The following DOK7 variants were observed in gnomAD, a reference collection of about 807,000 sequenced individuals.
The protein encoded by DOK7 is protein Dok-7.
In DOK7, 32 loss-of-function variants were observed where a neutral mutation model predicts 30.7. The ratio of observed to expected loss-of-function variants is 1.04; its 90% confidence interval spans 0.79 to 1.40. The LOEUF is 1.40. DOK7 is among the 40% of genes most tolerant of loss of function. The pLI, the probability that DOK7 is intolerant of heterozygous loss-of-function variation, is 0.00. For synonymous variants in DOK7, 447 were observed against 324.1 expected (o/e 1.38, Z -4.07); for missense variants, 1,007 against 699.2 (o/e 1.44, Z -4.97).
At chr4:3,470,515 C>T (rs919861724) in intron 2 of DOK7, among the ~76,000 whole-genome samples, 16 of 152,126 alleles carry the variant, frequency 1.1e-4, no homozygotes, top group African/African-American at 2.9e-4. Context: ...GTCTGAGGGT[C>T]GAGCGTGGGT....
At chr4:3,488,524 C>T (rs1319589753) in intron 5 of DOK7, among the ~76,000 whole-genome samples, 2 of 152,232 alleles carry the variant, frequency 1.3e-5, no homozygotes, top group Admixed American at 6.5e-5. Flanking sequence ...CTCCAGCCTC[C>T]GCCAGGCTGG....
chr4:3,463,454 G>GT lies in DOK7; in HGVS notation c.54+25_54+26insT, dbSNP rs767285554. 7 of 1,416,628 alleles carry GT rather than the reference G, an allele frequency of 4.9e-6. No homozygotes were observed. In the Admixed American group the frequency reaches 1.2e-4, roughly 24 times the overall value. The allele number at this position is 1,416,628 out of a possible 1,614,324, so 87.8% of individuals were successfully genotyped here. On this transcript the variant is annotated intron_variant, in intron 1 of 6. Transcript: ENST00000340083. The stretch of plus-strand genomic sequence containing the variant: ...GGTCGGGGCGCGTCGGGGGCGCGGG[G>GT]GGGGGGGGCGCGGGCGCGGGCGGCG...
chr4:3,478,855 C>T (rs1358859738), intron 4 of DOK7, among the ~76,000 whole-genome samples: 1 of 152,144 alleles, frequency 6.6e-6, no homozygotes, highest in East Asian at 1.9e-4. Context: ...GTCTTAGACT[C>T]GGCCAAGCGG....
At chr4:3,490,290 AT>A (rs1560226352) in intron 6 of DOK7, among the ~76,000 whole-genome samples, 4 of 59,682 alleles carry the variant, frequency 6.7e-5, no homozygotes, top group African/African-American at 1.9e-4. Flanking sequence ...TTGCTCATTC[AT>A]TTCTTCCTCC....
At chr4:3,495,258 G>A (rs1277388966), downstream of DOK7, among the ~76,000 whole-genome samples, 1 of 152,210 alleles carries the variant, frequency 6.6e-6, no homozygotes, top group Non-Finnish European at 1.5e-5. Flanking sequence ...AGGTGGCCGC[G>A]CCAGTCTTGT....
In DOK7 at chr4:3,491,532, TC is replaced by T. The variant is rs1560229792; in HGVS notation, c.773-1226del. Among the ~76,000 whole-genome samples the T allele has an allele frequency of 2.9e-4, 43 of 149,754 alleles. No individual in the cohort carries two copies. In the East Asian group the frequency reaches 4.9e-3, roughly 17 times the overall value. On this transcript the variant is annotated intron_variant, in intron 6 of 6. Coordinates refer to ENST00000340083, the MANE Select transcript of DOK7 (RefSeq NM_173660.5). ...CCTTCCTTCTGTCTGTTCATTCATTTCTTCCTTCTCCCACCTATTCATTCAT... is the reference window on the plus strand; with the variant it reads ...CCTTCCTTCTGTCTGTTCATTCATTTTTCCTTCTCCCACCTATTCATTCAT...
At position 3,490,091 on chromosome 4, in the gene DOK7, TTCATTCCTTTCTTCACCCCC is replaced by T. The variant is rs1202097740; in HGVS notation, c.772+296_772+315del. Among the ~76,000 whole-genome samples, 21 of 92,956 alleles carry T rather than the reference TTCATTCCTTTCTTCACCCCC, an allele frequency of 2.3e-4. No homozygotes were observed. In the South Asian group the frequency reaches 9.4e-3, roughly 41 times the overall value. 61.0% of individuals were successfully genotyped at this position (92,956 alleles called of 152,430 possible). On this transcript the variant is annotated intron_variant, in intron 6 of 6. Coordinates refer to ENST00000340083, the MANE Select transcript of DOK7 (RefSeq NM_173660.5). ...CCCCATTCCTTTCTTCACCCCCTCA[TTCATTCCTTTCTTCACCCCC>T]ATTCATTCCTTTTCTCCCTGCTCAT...
At chr4:3,496,549 C>A (rs1251397018), downstream of DOK7, among the ~76,000 whole-genome samples, 1 of 152,238 alleles carries the variant, frequency 6.6e-6, no homozygotes, top group Admixed American at 6.5e-5. Context: ...TCCCCAGATG[C>A]CGAGGCCTCC....
At chr4:3,491,710 T>C (rs1728474993) in intron 6 of DOK7, among the ~76,000 whole-genome samples, 1 of 152,262 alleles carries the variant, frequency 6.6e-6, no homozygotes, top group African/African-American at 2.4e-5. Context: ...TTTTACCTTC[T>C]GTGCCCAGAC....
intron 5 of DOK7, among the ~76,000 whole-genome samples, chr4:3,487,811 G>A (rs912903620): frequency 2.0e-5 from 3 of 152,194 alleles, no homozygotes; most frequent in African/African-American, 7.2e-5. Flanking sequence ...TCCCACCTGT[G>A]GGGCATTGGC....
intron 6 of DOK7, among the ~76,000 whole-genome samples, chr4:3,492,545 AGGACAGGAAC>A (rs1453358277): frequency 6.6e-6 from 1 of 152,116 alleles, no homozygotes; most frequent in African/African-American, 2.4e-5. Context: ...AGGTGGCAGA[AGGACAGGAAC>A]GGACAAAGAA....
intron 4 of DOK7, among the ~76,000 whole-genome samples, chr4:3,481,310 A>G (rs10937929): frequency 0.49 from 73,828 of 151,920 alleles, 20,360 homozygotes; most frequent in African/African-American, 0.75. Flanking sequence ...GAAGGTTCTG[A>G]TTGAGGTCCA....
chr4:3,489,720 C>T lies in DOK7; in HGVS notation c.696C>T (p.Ala232=), dbSNP rs888129911. The T allele has an allele frequency of 4.5e-6, 7 of 1,564,698 alleles. No individual in the cohort carries two copies. The highest frequency in any genetic ancestry group is 2.7e-5 in the African/African-American group (2 of 73,666). Residue 232 remains alanine, a synonymous_variant, in exon 6 of 7, where the codon GCC becomes GCT. Transcript: ENST00000340083. ...CCTCGACTGTGGAGGAGCGTGTGGC[C>T]CAGGAAGCCCTGGAAACCCTACAGC... The part of the protein sequence containing the change: ...PGPSTVEERV[A]QEALETLQLE...
Position 3,494,478 on chromosome 4 carries a change from C to CTTACCACCTTGTCCTCTTTT in DOK7, c.*977_*978insTTACCACCTTGTCCTCTTTT, listed in dbSNP as rs1461472399. The CTTACCACCTTGTCCTCTTTT allele has an allele frequency of 8.1e-6, 8 of 985,470 alleles. No individual in the cohort carries two copies. In the African/African-American group the frequency reaches 1.4e-4, roughly 17 times the overall value. The allele number at this position is 985,470 out of a possible 1,614,324, so 61.0% of individuals were successfully genotyped here. A position where few individuals can be genotyped will look rare whatever the true frequency, so the allele number is the denominator to read the frequency against. On this transcript the variant is annotated 3_prime_UTR_variant, in exon 7 of 7. Transcript: ENST00000340083. ...ATAGACTGGAAATAAAATGTTCTTT[C>CTTACCACCTTGTCCTCTTTT]CTTACCACCTTGTCCTAGTCCGTTG...
intron 5 of DOK7, among the ~76,000 whole-genome samples, chr4:3,485,979 G>A (rs1465877126): frequency 1.3e-5 from 2 of 151,994 alleles, no homozygotes; most frequent in African/African-American, 4.8e-5. Context: ...GAGACCCTCT[G>A]ACCCACCACC....
chr4:3,491,550 T>C (rs1449280520), intron 6 of DOK7, among the ~76,000 whole-genome samples: 2 of 18,270 alleles, frequency 1.1e-4, no homozygotes, highest in Non-Finnish European at 2.6e-4. Context: ...CTCCCACCTA[T>C]TCATTCATTC....
Position 3,492,941 on chromosome 4 carries a change from C to A in DOK7, c.955C>A (p.Pro319Thr). The A allele has an allele frequency of 1.3e-6, 2 of 1,556,672 alleles. No homozygotes were observed. The highest frequency in any genetic ancestry group is 3.3e-4 in the Middle Eastern group (2 of 5,996). The change falls in exon 7 of 7, where the codon CCC becomes ACC. Residue 319 changes from proline (P) to threonine (T), a missense_variant. Physicochemically the swap from Pro to Thr is conservative, Grantham distance 38. Transcript: ENST00000340083. The stretch of plus-strand genomic sequence containing the variant: ...CATGGTGGGTGCCTCAAGGCCACCC[C>A]CCAAGCCGCTGCGTCCGCGGCAGCT... ...EAMVGASRPP[P>T]KPLRPRQLQE... is the part of the protein sequence containing the mutation.
At chr4:3,484,869 A>G (rs1168741245) in intron 4 of DOK7, 3 of 985,312 alleles carry the variant, frequency 3.0e-6, no homozygotes, top group Non-Finnish European at 2.4e-6. Context: ...TTTTACAAAC[A>G]TCTGAATGCA....
chr4:3,487,249 T>C lies in DOK7; in HGVS notation c.652+1591T>C, dbSNP rs368244143. On this transcript the variant is annotated intron_variant, in intron 5 of 6. Transcript: ENST00000340083. Reference sequence around the variant, plus strand: ...GGAGGTGGGTTGAGCTGGGACACTATGCTGGGCAGCACCCCACCAGAGAAG... The same window carrying C: ...GGAGGTGGGTTGAGCTGGGACACTACGCTGGGCAGCACCCCACCAGAGAAG... Among the ~76,000 whole-genome samples the C allele has an allele frequency of 4.7e-4, 71 of 152,288 alleles. No individual in the cohort carries two copies. In the East Asian group the frequency reaches 8.7e-3, roughly 19 times the overall value.
Sources: allele counts gnomAD v4.1 joint callset (sites outside exome capture counted in the v4.1 genomes callset), GRCh38; gene constraint gnomAD v4.1.1; transcripts MANE v1.5; gene names NCBI Gene and HGNC (gene_info 2026-07-23, HGNC 2026-07-21).